Variants in COL26A1 observed in about 807,000 individuals in gnomAD.
COL26A1 encodes the protein collagen type XXVI alpha 1 chain, also known as collagen alpha-1(XXVI) chain.
In COL26A1, 41 loss-of-function variants were observed where a neutral mutation model predicts 59.3. That is an observed-to-expected ratio of 0.69 (90% confidence interval 0.54 to 0.90). COL26A1 has a LOEUF of 0.90. COL26A1 is among the 40% of genes least tolerant of loss of function. The pLI, the probability that COL26A1 is intolerant of heterozygous loss-of-function variation, is 0.00. For synonymous variants in COL26A1, 266 were observed against 256.0 expected, an observed-to-expected ratio of 1.04 and a Z score of -0.37; for missense variants, 612 against 602.3, an observed-to-expected ratio of 1.02 and a Z score of -0.17.
chr7:101,406,988 C>T (rs111719122), intron 1 of COL26A1, among the ~76,000 whole-genome samples: 193 of 152,198 alleles, frequency 1.3e-3, no homozygotes, highest in African/African-American at 4.4e-3. Flanking sequence ...CTACTTTCCA[C>T]GTTTTCACCT....
At chr7:101,523,937 C>T (rs770433099) in intron 3 of COL26A1, among the ~76,000 whole-genome samples, 1 of 151,778 alleles carries the variant, frequency 6.6e-6, no homozygotes, top group Non-Finnish European at 1.5e-5. Context: ...TATAGATCAA[C>T]TGGAAGAATT....
At chr7:101,410,299 C>T (rs913920251) in intron 1 of COL26A1, among the ~76,000 whole-genome samples, 2 of 152,116 alleles carry the variant, frequency 1.3e-5, no homozygotes, top group Admixed American at 6.6e-5. Flanking sequence ...AATAACATGA[C>T]TCCTGAATGC....
intron 1 of COL26A1, among the ~76,000 whole-genome samples, chr7:101,391,854 C>CTTTCTTTTCTTTCCTTTTCTTTTCT (rs748948397): frequency 2.2e-4 from 33 of 149,238 alleles, no homozygotes; most frequent in African/African-American, 7.9e-4. Context: ...CATGCCAAGC[C>CTTTCTTTTCTTTCCTTTTCTTTTCT]TTTCTTTTCT....
chr7:101,505,380 C>T (rs184815301), intron 3 of COL26A1, among the ~76,000 whole-genome samples: 2 of 151,564 alleles, frequency 1.3e-5, no homozygotes, highest in East Asian at 3.9e-4. Context: ...ATGAGTATGA[C>T]CACTCCATGT....
chr7:101,520,633 T>TACACACACACAC (rs3073377), intron 3 of COL26A1, among the ~76,000 whole-genome samples: 5,449 of 137,194 alleles, frequency 0.04, 150 homozygotes, highest in African/African-American at 0.072. Context: ...CACAGACACA[T>TACACACACACAC]ACACACACAC....
intron 2 of COL26A1, among the ~76,000 whole-genome samples, chr7:101,440,532 A>AG (rs1166065767): frequency 6.6e-6 from 1 of 152,114 alleles, no homozygotes; most frequent in Non-Finnish European, 1.5e-5. Context: ...GGTGAGACTC[A>AG]GGGGGGCTAC....
At position 101,544,058 on chromosome 7, in the gene COL26A1, G is replaced by A. The variant is rs775714766; in HGVS notation, c.665G>A (p.Arg222Gln). The change falls in exon 6 of 13, where the codon CGA becomes CAA. Residue 222 changes from arginine to glutamine, a missense_variant. Transcript: ENST00000313669. ...PAGPPGSKGD[R>Q]GQTGEKGPAG... ...GGCCCCCCCGGGTCTAAAGGTGACC[G>A]AGGCCAGACAGGAGAGAAGGGTCCA... is the stretch of plus-strand genomic sequence containing the variant. 1.9e-5 allele frequency: 30 copies of A among 1,605,858 alleles called. No individual in the cohort carries two copies. The highest frequency in any genetic ancestry group is 1.6e-4 in the Middle Eastern group (1 of 6,074).
chr7:101,419,342 G>T (rs1442532981), intron 1 of COL26A1, among the ~76,000 whole-genome samples: 1 of 151,924 alleles, frequency 6.6e-6, no homozygotes, highest in Non-Finnish European at 1.5e-5. Flanking sequence ...GAACTCCTGG[G>T]CTCAAGAGAT....
intron 3 of COL26A1, among the ~76,000 whole-genome samples, chr7:101,515,568 G>A (rs143563389): frequency 0.012 from 1,823 of 151,108 alleles, 26 homozygotes; most frequent in African/African-American, 0.042. Flanking sequence ...ACAGGCATGA[G>A]CCACCATGTC....
chr7:101,548,069 G>A (rs528845345), intron 8 of COL26A1, among the ~76,000 whole-genome samples: 4 of 152,134 alleles, frequency 2.6e-5, no homozygotes, highest in South Asian at 2.1e-4. Context: ...CCGTCAAAAC[G>A]TGACATTTCA....
chr7:101,366,451 T>C (rs1791047984), intron 1 of COL26A1, among the ~76,000 whole-genome samples: 1 of 149,770 alleles, frequency 6.7e-6, no homozygotes, highest in Non-Finnish European at 1.5e-5. Flanking sequence ...AATTTCATTG[T>C]TACTGCTCCT....
chr7:101,363,304 G>C, intron 1 of COL26A1, 114 bp downstream of exon 1: 2 of 908,616 alleles, frequency 2.2e-6, no homozygotes, highest in South Asian at 1.9e-5. Flanking sequence ...GGGCGATCCG[G>C]GACTTGGGGG....
At chr7:101,461,170 TTG>T (rs1793601271) in intron 3 of COL26A1, among the ~76,000 whole-genome samples, 1 of 152,118 alleles carries the variant, frequency 6.6e-6, no homozygotes, top group Non-Finnish European at 1.5e-5. Flanking sequence ...GTTTTACATT[TTG>T]TAGAGATAGG....
chr7:101,536,529 C>T (rs969387729), intron 4 of COL26A1, among the ~76,000 whole-genome samples: 2 of 152,192 alleles, frequency 1.3e-5, no homozygotes, highest in African/African-American at 4.8e-5. Context: ...GGGATCCTAG[C>T]AGGGTGAAGG....
At chr7:101,390,539 C>G (rs984768153) in intron 1 of COL26A1, among the ~76,000 whole-genome samples, 1 of 152,180 alleles carries the variant, frequency 6.6e-6, no homozygotes, top group African/African-American at 2.4e-5. Context: ...CATCCACCCA[C>G]CTCTGCCTCC....
At chr7:101,446,540 CAG>C (rs1328670506) in intron 2 of COL26A1, among the ~76,000 whole-genome samples, 2 of 152,104 alleles carry the variant, frequency 1.3e-5, no homozygotes, top group African/African-American at 2.4e-5. Flanking sequence ...TTTATCAAGA[CAG>C]GGGAATTGCA....
intron 1 of COL26A1, among the ~76,000 whole-genome samples, chr7:101,397,971 T>G (rs2130180032): frequency 6.6e-6 from 1 of 152,286 alleles, no homozygotes; most frequent in Middle Eastern, 3.4e-3. Flanking sequence ...GTAGGCCCCC[T>G]AGAGGTAACC....
chr7:101,378,991 C>A (rs1791386032), intron 1 of COL26A1, among the ~76,000 whole-genome samples: 1 of 152,102 alleles, frequency 6.6e-6, no homozygotes, highest in African/African-American at 2.4e-5. Flanking sequence ...CTTCCCCAGC[C>A]CCCGTAGTTA....
At chr7:101,413,975 G>T (rs1011802984) in intron 1 of COL26A1, among the ~76,000 whole-genome samples, 4 of 152,206 alleles carry the variant, frequency 2.6e-5, no homozygotes, top group African/African-American at 9.7e-5. Context: ...GTGGGCGGTG[G>T]CAGGACGACA....
Sources: gnomAD v4.1 joint callset for allele counts (sites outside exome capture counted in the v4.1 genomes callset) on GRCh38, gnomAD v4.1.1 for gene constraint, MANE v1.5 for transcripts, NCBI Gene and HGNC (gene_info 2026-07-23, HGNC 2026-07-21) for gene names.